Variants in USP45 observed in about 807,000 individuals in gnomAD.
The protein encoded by USP45 is ubiquitin specific peptidase 45, also known as ubiquitin carboxyl-terminal hydrolase 45.
A neutral mutation model predicts 95.8 loss-of-function variants in USP45; 89 were observed. That is an observed-to-expected ratio of 0.93 (90% CI 0.78 to 1.11). USP45 has a LOEUF of 1.11. Ranked by LOEUF, USP45 falls within the 50% of genes least tolerant of loss-of-function variation. The pLI is 0.00. For missense variants in USP45, 898 were observed against 942.5 expected (o/e 0.95, Z 0.62); for synonymous variants, 281 against 316.2 (o/e 0.89, Z 1.18).
intron 5 of USP45, among the ~76,000 whole-genome samples, chr6:99,498,577 G>T (rs1796773467): frequency 1.3e-5 from 2 of 152,220 alleles, no homozygotes; most frequent in South Asian, 4.1e-4. Flanking sequence ...GATAAGTAAG[G>T]CTGAAGACAG....
chr6:99,455,438 G>A (rs1056598983), intron 13 of USP45, among the ~76,000 whole-genome samples: 4 of 148,892 alleles, frequency 2.7e-5, no homozygotes, highest in Non-Finnish European at 4.4e-5. Flanking sequence ...GCGATGGAGC[G>A]AGACTCTGTC....
intron 10 of USP45, chr6:99,468,224 T>C (rs1370650392): frequency 2.1e-6 from 1 of 472,090 alleles, no homozygotes; most frequent in Non-Finnish European, 4.2e-6. Context: ...TGATACAATA[T>C]GATACATATG....
At chr6:99,469,960 T>G (rs960953669) in intron 9 of USP45, among the ~76,000 whole-genome samples, 2 of 152,078 alleles carry the variant, frequency 1.3e-5, no homozygotes, top group Middle Eastern at 3.2e-3. Flanking sequence ...ATATATATGG[T>G]ATATGCCACC....
At position 99,433,081 on chromosome 6, in the gene USP45, T is replaced by C. The variant is rs946042563; in HGVS notation, c.*2635A>G. 1.3e-5 allele frequency: 2 copies of C among 152,136 alleles called. No homozygotes were observed. Among genetic ancestry groups the C allele is most frequent in the African/African-American group, 4.8e-5 (2 of 41,406 alleles). The allele number at this position is 152,136 out of a possible 1,614,324, so 9.4% of individuals were successfully genotyped here. ...GATCATGGTTCACTGCACCTTGACC[T>C]CCTGGGCTCAAGCATCTTCCCCACT... On this transcript the variant is annotated 3_prime_UTR_variant, in exon 18 of 18. Transcript: ENST00000500704.
chr6:99,457,750 TAA>T (rs1009797160), intron 13 of USP45, among the ~76,000 whole-genome samples: 19 of 152,304 alleles, frequency 1.2e-4, no homozygotes, highest in African/African-American at 4.3e-4. Flanking sequence ...CTTGTTGTTT[TAA>T]AAGATACATA....
chr6:99,449,660 A>C (rs1212805338), intron 13 of USP45, among the ~76,000 whole-genome samples: 7 of 152,292 alleles, frequency 4.6e-5, no homozygotes, highest in Admixed American at 1.3e-4. Flanking sequence ...CAGGAATTGA[A>C]CTCAGCTCTG....
intron 13 of USP45, among the ~76,000 whole-genome samples, chr6:99,454,073 T>G (rs1021267913): frequency 6.6e-6 from 1 of 152,122 alleles, no homozygotes; most frequent in African/African-American, 2.4e-5. Context: ...GACTTCAAAA[T>G]GTACAAGACT....
At chr6:99,490,327 C>G (rs1794892565) in intron 5 of USP45, among the ~76,000 whole-genome samples, 1 of 151,710 alleles carries the variant, frequency 6.6e-6, no homozygotes, top group South Asian at 2.1e-4. Context: ...CCACACCCAG[C>G]TAATTTTTGT....
chr6:99,464,830 T>C (rs1583150343), intron 12 of USP45, 83 bp from the exon 13 acceptor site: 2 of 1,397,578 alleles, frequency 1.4e-6, no homozygotes, highest in South Asian at 3.1e-5. Context: ...TTTGACTGAC[T>C]TGAAATACAA....
In USP45 at chr6:99,443,639, TA is replaced by T. The variant is rs1181546733; in HGVS notation, c.1998del (p.Tyr666Ter). On this transcript the variant is annotated frameshift_variant, in exon 15 of 18. Coordinates refer to ENST00000500704, the MANE Select transcript of USP45 (RefSeq NM_001346022.3). LOFTEE classifies it high-confidence loss of function. ...ATGAGCAATTGCTTCCTGGCATTAG[TA>T]TAAACTCCTTCTACTTTCTTTTCTA... is the stretch of plus-strand genomic sequence containing the variant. ...SFAEKKVEGV[Y>X]TNARKQLLIS... is the part of the protein sequence containing the mutation. 5 of 1,600,744 alleles carry T rather than the reference TA, an allele frequency of 3.1e-6. No individual in the cohort carries two copies. In the African/African-American group the frequency reaches 6.7e-5, roughly 21 times the overall value.
At chr6:99,461,211 A>T (rs1316346988) in intron 13 of USP45, 1 of 985,300 alleles carries the variant, frequency 1.0e-6, no homozygotes, top group African/African-American at 1.7e-5. Context: ...GCAGGATTTT[A>T]TATAAGGATA....
chr6:99,446,778 C>G (rs1317528503), intron 13 of USP45, among the ~76,000 whole-genome samples: 1 of 152,186 alleles, frequency 6.6e-6, no homozygotes, highest in African/African-American at 2.4e-5. Context: ...GCATCTTGCT[C>G]TGTTGCCCAG....
intron 13 of USP45, among the ~76,000 whole-genome samples, chr6:99,447,246 T>C (rs1296440144): frequency 2.0e-5 from 3 of 152,120 alleles, no homozygotes; most frequent in African/African-American, 7.2e-5. Context: ...TTCACTAAAG[T>C]TTCCACACAG....
intron 13 of USP45, among the ~76,000 whole-genome samples, chr6:99,459,844 A>C (rs1424956663): frequency 6.6e-6 from 1 of 152,180 alleles, no homozygotes; most frequent in African/African-American, 2.4e-5. Context: ...CCTGTCTGCA[A>C]TGTGGAGCAC....
chr6:99,444,628 G>T (rs1251960682), intron 14 of USP45, among the ~76,000 whole-genome samples: 1 of 152,078 alleles, frequency 6.6e-6, no homozygotes, highest in Non-Finnish European at 1.5e-5. Context: ...ATCACTCTAG[G>T]ACCAGGCACC....
intron 13 of USP45, chr6:99,462,703 A>G: frequency 1.0e-6 from 1 of 986,974 alleles, no homozygotes; most frequent in Non-Finnish European, 1.2e-6. Context: ...ATTCAGGCCC[A>G]GCGCTGTGGC....
chr6:99,488,070 A>G, intron 7 of USP45, 130 bp downstream of exon 7: 2 of 635,664 alleles, frequency 3.1e-6, no homozygotes, highest in South Asian at 3.9e-5. Context: ...TTTTCACAGA[A>G]TGCTTTTAAA....
intron 15 of USP45, among the ~76,000 whole-genome samples, chr6:99,442,849 C>T (rs1562300513): frequency 6.6e-6 from 1 of 151,180 alleles, no homozygotes; most frequent in Non-Finnish European, 1.5e-5. Context: ...CTCTCCTCTA[C>T]CCTCCCAAAA....
intron 1 of USP45, among the ~76,000 whole-genome samples, chr6:99,513,856 C>A (rs1481854792): frequency 6.6e-6 from 1 of 152,144 alleles, no homozygotes; most frequent in African/African-American, 2.4e-5. Context: ...ATTATTAGAG[C>A]TTCCAATACT....
Sources: gnomAD v4.1 joint callset for allele counts (sites outside exome capture counted in the v4.1 genomes callset) on GRCh38, gnomAD v4.1.1 for gene constraint, MANE v1.5 for transcripts, NCBI Gene and HGNC (gene_info 2026-07-23, HGNC 2026-07-21) for gene names.